CDH12: variants seen among roughly 807,000 people sequenced by gnomAD.
CDH12 encodes the protein cadherin 12, also known as cadherin-12.
In CDH12, 41 loss-of-function variants were observed where a neutral mutation model predicts 74.1. The ratio of observed to expected loss-of-function variants is 0.55; its 90% confidence interval spans 0.43 to 0.72. CDH12 has a LOEUF of 0.72. Among genes scored for constraint, CDH12 ranks in the 30% least tolerant of loss-of-function variants. The pLI is 0.00. For synonymous variants in CDH12, 399 were observed against 355.0 expected, an observed-to-expected ratio of 1.12 and a Z score of -1.39; for missense variants, 945 against 977.2, an observed-to-expected ratio of 0.97 and a Z score of 0.44.
chr5:22,370,138 C>T (rs2044281), intron 3 of CDH12, among the ~76,000 whole-genome samples: 6,279 of 152,196 alleles, frequency 0.041, 292 homozygotes, highest in East Asian at 0.12. Context: ...ACATTAAGAG[C>T]TGAATAAAGT....
At chr5:22,819,640 C>T (rs919029197) in intron 1 of CDH12, among the ~76,000 whole-genome samples, 15 of 151,706 alleles carry the variant, frequency 9.9e-5, no homozygotes, top group Non-Finnish European at 2.2e-4. Flanking sequence ...TATACACCCA[C>T]ATCAGAAAAT....
intron 1 of CDH12, among the ~76,000 whole-genome samples, chr5:22,525,077 G>C (rs561638865): frequency 1.3e-5 from 2 of 151,000 alleles, no homozygotes; most frequent in East Asian, 4.0e-4. Context: ...TTTTGTCCTT[G>C]CGATAGTTTG....
intron 1 of CDH12, among the ~76,000 whole-genome samples, chr5:22,722,260 C>T (rs780772143): frequency 2.0e-5 from 3 of 152,210 alleles, no homozygotes; most frequent in Non-Finnish European, 4.4e-5. Flanking sequence ...AGTCAGCATG[C>T]TTCTGCTCCA....
At chr5:22,588,886 C>A (rs943664386) in intron 1 of CDH12, among the ~76,000 whole-genome samples, 2 of 152,110 alleles carry the variant, frequency 1.3e-5, no homozygotes, top group African/African-American at 4.8e-5. Flanking sequence ...TTTTCTCTTG[C>A]ATTGTAATTT....
intron 1 of CDH12, among the ~76,000 whole-genome samples, chr5:22,709,201 T>C (rs1743173788): frequency 6.6e-6 from 1 of 152,062 alleles, no homozygotes; most frequent in Non-Finnish European, 1.5e-5. Flanking sequence ...TTCTATGAGA[T>C]CTGGGAGACA....
chr5:21,930,977 T>C (rs1267558032), intron 6 of CDH12, among the ~76,000 whole-genome samples: 1 of 152,108 alleles, frequency 6.6e-6, no homozygotes, highest in African/African-American at 2.4e-5. Context: ...AGGAAGATCA[T>C]GGGGAGCTGG....
chr5:22,731,000 G>A (rs192982440), intron 1 of CDH12, among the ~76,000 whole-genome samples: 152 of 151,812 alleles, frequency 1.0e-3, no homozygotes, highest in African/African-American at 3.6e-3. Flanking sequence ...GAATAAGGAC[G>A]TGCTGTCTCC....
intron 1 of CDH12, among the ~76,000 whole-genome samples, chr5:22,734,492 C>A (rs1744585461): frequency 6.6e-6 from 1 of 151,880 alleles, no homozygotes; most frequent in Non-Finnish European, 1.5e-5. Context: ...TTCACATTAT[C>A]TAATTAAGTG....
intron 1 of CDH12, among the ~76,000 whole-genome samples, chr5:22,685,710 T>C (rs1165265488): frequency 1.3e-5 from 2 of 152,246 alleles, no homozygotes; most frequent in Non-Finnish European, 2.9e-5. Flanking sequence ...GGTTCATCAA[T>C]GTCGTAACAT....
chr5:22,181,475 T>C (rs1259921386), intron 4 of CDH12, among the ~76,000 whole-genome samples: 2 of 152,190 alleles, frequency 1.3e-5, no homozygotes, highest in Non-Finnish European at 2.9e-5. Flanking sequence ...CTTAGAGATC[T>C]ATATTCTCTC....
intron 3 of CDH12, among the ~76,000 whole-genome samples, chr5:22,337,925 G>C (rs1441502027): frequency 6.6e-6 from 1 of 152,164 alleles, no homozygotes; most frequent in Non-Finnish European, 1.5e-5. Flanking sequence ...AATAACAAAT[G>C]CTTGTGAGGG....
intron 3 of CDH12, among the ~76,000 whole-genome samples, chr5:22,273,029 A>G (rs1456447726): frequency 6.6e-6 from 1 of 152,146 alleles, no homozygotes; most frequent in South Asian, 2.1e-4. Flanking sequence ...CTCACTCACT[A>G]TCATGAGAAC....
intron 5 of CDH12, among the ~76,000 whole-genome samples, chr5:22,021,284 A>G (rs1228584170): frequency 1.3e-5 from 2 of 152,228 alleles, no homozygotes; most frequent in Non-Finnish European, 2.9e-5. Context: ...AAAAAGTTTC[A>G]GATTTTGAAG....
chr5:21,802,320 G>A lies in CDH12; in HGVS notation c.1103C>T (p.Thr368Ile). The change falls in exon 10 of 15, where the codon ACA becomes ATA. Residue 368 changes from threonine (T) to isoleucine (I), a missense_variant. Physicochemically the swap from Thr to Ile is moderately conservative, Grantham distance 89 (BLOSUM62 -1). Transcript: ENST00000382254. ...CAGCACGCTGATCTTCACCGTAGCT[G>A]TGTCTTTGAAAGGGCCCGCCGAGTG... ...RFHSAGPFKD[T>I]ATVKISVLDV... 6.2e-7 allele frequency: 1 copy of A among 1,613,868 alleles called. No homozygotes were observed. Among genetic ancestry groups the A allele is most frequent in the Non-Finnish European group, 8.5e-7 (1 of 1,179,962 alleles).
rs746013405 is a variant in CDH12 at position 21,751,693 on chromosome 5, T to A, written c.*44A>T. 2.6e-5 allele frequency: 39 copies of A among 1,525,046 alleles called. No homozygotes were observed. Among genetic ancestry groups the A allele is most frequent in the Non-Finnish European group, 3.0e-5 (34 of 1,133,688 alleles). 94.5% of individuals were successfully genotyped at this position (1,525,046 alleles called of 1,614,324 possible). A position where few individuals can be genotyped will look rare whatever the true frequency, so the allele number is the denominator to read the frequency against. On this transcript the variant is annotated 3_prime_UTR_variant, in exon 15 of 15. Transcript: ENST00000382254. ...AATATTTGTGTTTCTTTTTCTTTTTTAAAAATCTCCCCTCTCGGTTGTATT... is the reference window on the plus strand; with the variant it reads ...AATATTTGTGTTTCTTTTTCTTTTTAAAAAATCTCCCCTCTCGGTTGTATT...
At chr5:21,917,622 G>A (rs557059254) in intron 6 of CDH12, among the ~76,000 whole-genome samples, 1 of 152,226 alleles carries the variant, frequency 6.6e-6, no homozygotes, top group African/African-American at 2.4e-5. Context: ...AAACTAACAA[G>A]TGTTCTCTGT....
chr5:22,591,418 GC>G lies in CDH12; in HGVS notation c.-522-86055del, dbSNP rs1021618451. ...AGACTAGATAATATTTTTTAAAATG[GC>G]ATGTTTGTAATTTTACAGTTGAGGT... is the stretch of plus-strand genomic sequence containing the variant. On this transcript the variant is annotated intron_variant, in intron 1 of 14. Coordinates refer to ENST00000382254, the MANE Select transcript of CDH12 (RefSeq NM_004061.5). Among the ~76,000 whole-genome samples the G allele has an allele frequency of 1.1e-4, 17 of 152,132 alleles. No homozygotes were observed. In the Middle Eastern group the frequency reaches 0.017, roughly 152 times the overall value.
chr5:22,672,074 T>C (rs1317997099), intron 1 of CDH12, among the ~76,000 whole-genome samples: 1 of 135,838 alleles, frequency 7.4e-6, no homozygotes, highest in Non-Finnish European at 1.5e-5. Context: ...ATTCTTTATA[T>C]ATAATATAAA....
chr5:22,782,354 T>C (rs370707674), intron 1 of CDH12, among the ~76,000 whole-genome samples: 2 of 152,096 alleles, frequency 1.3e-5, no homozygotes, highest in South Asian at 4.2e-4. Flanking sequence ...ATGGGGGTGG[T>C]TTCCCCCGTG....
Sources: gnomAD v4.1 joint callset for allele counts (sites outside exome capture counted in the v4.1 genomes callset) on GRCh38, gnomAD v4.1.1 for gene constraint, MANE v1.5 for transcripts, NCBI Gene and HGNC (gene_info 2026-07-23, HGNC 2026-07-21) for gene names.